CLASP2: variants seen among roughly 807,000 people sequenced by gnomAD.
CLASP2 encodes cytoplasmic linker associated protein 2.
In CLASP2, 47 loss-of-function variants were observed where a neutral mutation model predicts 194.4. The observed-to-expected ratio is 0.24, with a 90% CI of 0.19 to 0.31. CLASP2 has a LOEUF of 0.31. Among genes scored for constraint, CLASP2 ranks in the 10% least tolerant of loss-of-function variants. The pLI is 1.00. For missense variants in CLASP2, 1,445 were observed against 1,823.6 expected, an observed-to-expected ratio of 0.79 and a Z score of 3.78; for synonymous variants, 619 against 633.5, an observed-to-expected ratio of 0.98 and a Z score of 0.34.
chr3:33,606,410 G>A (rs1238893720), intron 16 of CLASP2, among the ~76,000 whole-genome samples, 181 bp downstream of exon 16: 1 of 152,144 alleles, frequency 6.6e-6, no homozygotes, highest in Non-Finnish European at 1.5e-5. Flanking sequence ...CAAAGAGAAG[G>A]AATTATGCTG....
intron 7 of CLASP2, 110 bp downstream of exon 7, chr3:33,663,335 T>A (rs1313671848): frequency 3.1e-6 from 2 of 647,844 alleles, no homozygotes; most frequent in Non-Finnish European, 5.0e-6. Context: ...CTCAACTAAG[T>A]TTTCAAGCCA....
intron 28 of CLASP2, 23 bp from the exon 29 acceptor site, chr3:33,559,408 C>T (rs752632224): frequency 8.2e-6 from 12 of 1,469,020 alleles, no homozygotes; most frequent in Middle Eastern, 1.8e-4. Context: ...CAAAGCAAAA[C>T]GAAACAAAAA....
chr3:33,587,564 T>C (rs1248644469), intron 21 of CLASP2, among the ~76,000 whole-genome samples: 1 of 152,214 alleles, frequency 6.6e-6, no homozygotes, highest in East Asian at 1.9e-4. Context: ...AACAAAGCAG[T>C]GTTTCCAATG....
rs1437639489 is a variant in CLASP2, at chr3:33,568,023, T to C, written c.2764-1289A>G. ...GATATTGTGGTTAATTATTTATTTC[T>C]ATATGGGTATATGAAGGAAAAAAAG... On this transcript the variant is annotated intron_variant, in intron 26 of 38. Transcript: ENST00000682230. Among the ~76,000 whole-genome samples the C allele has an allele frequency of 2.0e-5, 3 of 152,250 alleles. No homozygotes were observed. The East Asian group carries it at 5.8e-4, about 29-fold the overall frequency.
intron 34 of CLASP2, among the ~76,000 whole-genome samples, chr3:33,528,275 T>C (rs927136049): frequency 2.0e-5 from 3 of 152,176 alleles, no homozygotes; most frequent in Non-Finnish European, 1.5e-5. Context: ...AAGCTAGGTA[T>C]TGAAGGAACA....
chr3:33,632,850 A>C (rs566944590), intron 8 of CLASP2, among the ~76,000 whole-genome samples: 1 of 152,340 alleles, frequency 6.6e-6, no homozygotes, highest in East Asian at 1.9e-4. Flanking sequence ...ATAAAAAAGT[A>C]AACTTAGTAG....
intron 32 of CLASP2, among the ~76,000 whole-genome samples, chr3:33,539,658 T>C (rs1215636033): frequency 2.0e-5 from 3 of 152,240 alleles, no homozygotes; most frequent in Admixed American, 6.5e-5. Flanking sequence ...TTATTAAACA[T>C]AGTCGTGCCT....
chr3:33,630,633 G>T (rs2078925644), intron 9 of CLASP2, among the ~76,000 whole-genome samples: 1 of 152,176 alleles, frequency 6.6e-6, no homozygotes, highest in African/African-American at 2.4e-5. Flanking sequence ...AGACTTAGGG[G>T]AGTTGCTGCT....
rs548291019 is a variant in CLASP2, at chr3:33,538,439, T to C, written c.3558+350A>G. Among the ~76,000 whole-genome samples, 3 of 152,366 alleles carry C rather than the reference T, an allele frequency of 2.0e-5. No individual in the cohort carries two copies. In the South Asian group the frequency reaches 6.2e-4, roughly 32 times the overall value. ...TAAAACTCTGTAGTACTCATCTCTATATGAAAAATCTAAAAGGAAATTTGA... is the reference window on the plus strand; with the variant it reads ...TAAAACTCTGTAGTACTCATCTCTACATGAAAAATCTAAAAGGAAATTTGA... On this transcript the variant is annotated intron_variant, in intron 33 of 38. Coordinates refer to ENST00000682230, the MANE Select transcript of CLASP2 (RefSeq NM_001365631.1).
At chr3:33,669,975 T>A (rs555039574) in intron 6 of CLASP2, among the ~76,000 whole-genome samples, 7 of 152,158 alleles carry the variant, frequency 4.6e-5, no homozygotes, top group South Asian at 4.1e-4. Context: ...CAAATATCCA[T>A]CTATAGTTTG....
chr3:33,587,087 T>A (rs1349067911), intron 21 of CLASP2, among the ~76,000 whole-genome samples: 1 of 152,158 alleles, frequency 6.6e-6, no homozygotes. Context: ...GGAGACAGAC[T>A]AGACATGGTC....
At chr3:33,545,079 C>A (rs2058949400) in intron 30 of CLASP2, 2 of 304,300 alleles carry the variant, frequency 6.6e-6, no homozygotes, top group Admixed American at 9.9e-5. Context: ...TATGACCTAA[C>A]AGACAATGGA....
intron 17 of CLASP2, among the ~76,000 whole-genome samples, chr3:33,603,894 G>A (rs1017916832): frequency 6.6e-6 from 1 of 152,194 alleles, no homozygotes; most frequent in Non-Finnish European, 1.5e-5. Context: ...AAAATCAACT[G>A]AGTGCGTCAT....
Position 33,508,463 on chromosome 3 carries a change from T to C in CLASP2, c.4317+2095A>G, listed in dbSNP as rs2048898551. Among the ~76,000 whole-genome samples the C allele has an allele frequency of 2.6e-5, 4 of 152,056 alleles. No homozygotes were observed. In the South Asian group the frequency reaches 8.3e-4, roughly 32 times the overall value. On this transcript the variant is annotated intron_variant, in intron 37 of 38. Transcript: ENST00000682230. ...CTCCCGCCCCAGCCTCCTGAGTAGC[T>C]AGAATTACAGGCGTCTGCCACCAGC...
At position 33,568,553 on chromosome 3, in the gene CLASP2, C is replaced by CAAAAAAAAAAAAAAAAAAAAA. The variant is rs568821764; in HGVS notation, c.2764-1840_2764-1820dup. On this transcript the variant is annotated intron_variant, in intron 26 of 38. Coordinates refer to ENST00000682230, the MANE Select transcript of CLASP2 (RefSeq NM_001365631.1). The stretch of plus-strand genomic sequence containing the variant: ...TGGGTGACAGAAAGAGATCTTGTCT[C>CAAAAAAAAAAAAAAAAAAAAA]AAAAAAAAAAAAAAAAAAAAAATTA... 6.3e-3 allele frequency among the ~76,000 whole-genome samples: 359 copies of CAAAAAAAAAAAAAAAAAAAAA among 56,730 alleles called. 25 individuals are homozygous for CAAAAAAAAAAAAAAAAAAAAA. The highest frequency in any genetic ancestry group is 0.012 in the East Asian group (18 of 1,502). The allele number at this position is 56,730 out of a possible 152,430, so 37.2% of individuals were successfully genotyped here.
At chr3:33,613,833 T>A (rs1270090043) in intron 12 of CLASP2, among the ~76,000 whole-genome samples, 1 of 152,208 alleles carries the variant, frequency 6.6e-6, no homozygotes, top group Non-Finnish European at 1.5e-5. Flanking sequence ...TTCTTCTAAC[T>A]TCTGCAAAAT....
chr3:33,659,096 G>A (rs2084832939), intron 7 of CLASP2: 6 of 1,498,502 alleles, frequency 4.0e-6, no homozygotes, highest in Non-Finnish European at 5.3e-6. Context: ...GCAGACACCC[G>A]GAGCACTGTG....
chr3:33,562,687 C>T (rs2061992136), intron 27 of CLASP2, among the ~76,000 whole-genome samples: 2 of 152,174 alleles, frequency 1.3e-5, no homozygotes, highest in African/African-American at 4.8e-5. Flanking sequence ...TGTTTCAACA[C>T]TTGTCTATGC....
At chr3:33,694,500 T>A (rs1184721585) in intron 2 of CLASP2, among the ~76,000 whole-genome samples, 1 of 152,194 alleles carries the variant, frequency 6.6e-6, no homozygotes, top group Non-Finnish European at 1.5e-5. Flanking sequence ...CACAAATGTT[T>A]ATGGTCAAGG....
Sources: allele counts gnomAD v4.1 joint callset (sites outside exome capture counted in the v4.1 genomes callset), GRCh38; gene constraint gnomAD v4.1.1; transcripts MANE v1.5; gene names NCBI Gene and HGNC (gene_info 2026-07-23, HGNC 2026-07-21).